Variants in SRGAP1 observed in about 807,000 individuals in gnomAD.
SRGAP1 encodes SLIT-ROBO Rho GTPase-activating protein 1.
Under a neutral mutation model 121.9 loss-of-function variants are expected in SRGAP1, and 43 were observed. The observed-to-expected ratio is 0.35, with a 90% CI of 0.28 to 0.46. The LOEUF (loss-of-function observed/expected upper bound fraction) is 0.46, where lower values mean the gene tolerates loss of function less well. SRGAP1 is among the 20% of genes least tolerant of loss of function. The pLI, the probability that SRGAP1 is intolerant of heterozygous loss-of-function variation, is 1.00. For missense variants in SRGAP1, 1,102 were observed against 1,350.9 expected, an observed-to-expected ratio of 0.82 and a Z score of 2.89; for synonymous variants, 447 against 485.4, an observed-to-expected ratio of 0.92 and a Z score of 1.04.
At position 64,122,866 on chromosome 12, in the gene SRGAP1, C is replaced by T. The variant is rs550946185; in HGVS notation, c.2225-3111C>T. On this transcript the variant is annotated intron_variant, in intron 18 of 21. Transcript: ENST00000355086. ...TGAGCCAAGATCACGCCACTGCACT[C>T]CAGCCTGGGAACAGAACAAGAGTCT... 1.4e-3 allele frequency among the ~76,000 whole-genome samples: 219 copies of T among 152,156 alleles called. 1 individual carries two copies. Among genetic ancestry groups the T allele is most frequent in the African/African-American group, 5.2e-3 (215 of 41,492 alleles).
intron 18 of SRGAP1, among the ~76,000 whole-genome samples, chr12:64,118,109 A>C (rs1223419683): frequency 6.6e-6 from 1 of 152,194 alleles, no homozygotes; most frequent in Non-Finnish European, 1.5e-5. Flanking sequence ...ATAAATACCC[A>C]GAAGTAGGAT....
chr12:63,860,868 C>T (rs180867464), intron 1 of SRGAP1, among the ~76,000 whole-genome samples: 53 of 151,250 alleles, frequency 3.5e-4, no homozygotes, highest in Non-Finnish European at 6.5e-4. Context: ...CTTTGTTGCC[C>T]AGACTGGAGT....
chr12:63,981,112 T>C (rs979093668), intron 1 of SRGAP1, among the ~76,000 whole-genome samples: 6 of 152,258 alleles, frequency 3.9e-5, no homozygotes, highest in African/African-American at 1.4e-4. Context: ...CTTATTTTGA[T>C]TGGAAAATTA....
chr12:64,001,264 G>A (rs540299639), intron 3 of SRGAP1, among the ~76,000 whole-genome samples: 1 of 152,212 alleles, frequency 6.6e-6, no homozygotes, highest in Non-Finnish European at 1.5e-5. Flanking sequence ...CAACCAAGTT[G>A]TTATTCATTT....
chr12:63,975,154 T>C (rs952618244), intron 1 of SRGAP1, among the ~76,000 whole-genome samples: 2 of 152,210 alleles, frequency 1.3e-5, no homozygotes, highest in African/African-American at 4.8e-5. Context: ...AAGGGAAACA[T>C]GGTAGTTATT....
chr12:64,016,376 A>G (rs1036508437), intron 3 of SRGAP1, among the ~76,000 whole-genome samples: 1 of 152,142 alleles, frequency 6.6e-6, no homozygotes, highest in African/African-American at 2.4e-5. Flanking sequence ...AGTCTCAGCT[A>G]TTCGGGAGGC....
In SRGAP1 at chr12:64,128,204, C is replaced by T. The variant is rs747202024; in HGVS notation, c.2880+4C>T. On this transcript the variant is annotated splice_donor_region_variant and intron_variant, in intron 21 of 21. Coordinates refer to ENST00000355086, the MANE Select transcript of SRGAP1 (RefSeq NM_020762.4). ...GGACCCAGAGACAATTGCTCAGGTA[C>T]GATGCTTTTAATTACATATTGCATT... 28 of 1,597,144 alleles carry T rather than the reference C, an allele frequency of 1.8e-5. No homozygotes were observed. The highest frequency in any genetic ancestry group is 6.7e-5 in the South Asian group (6 of 90,182).
At chr12:63,986,207 C>A (rs111433975) in intron 2 of SRGAP1, among the ~76,000 whole-genome samples, 6 of 151,024 alleles carry the variant, frequency 4.0e-5, no homozygotes, top group Non-Finnish European at 8.8e-5. Flanking sequence ...CTCTCTCCCC[C>A]CCGACACACA....
chr12:64,060,219 T>C (rs1019966707), intron 6 of SRGAP1, among the ~76,000 whole-genome samples: 14 of 149,568 alleles, frequency 9.4e-5, no homozygotes, highest in Admixed American at 2.0e-4. Flanking sequence ...TTTTTTTTTT[T>C]CCTTTGAGAC....
At chr12:63,921,025 C>G (rs1266651041) in intron 1 of SRGAP1, among the ~76,000 whole-genome samples, 2 of 152,114 alleles carry the variant, frequency 1.3e-5, no homozygotes, top group Non-Finnish European at 2.9e-5. Flanking sequence ...TTGTCCCACC[C>G]TTGAACTTCT....
chr12:64,010,828 G>C (rs2034231846), intron 3 of SRGAP1, among the ~76,000 whole-genome samples: 2 of 151,730 alleles, frequency 1.3e-5, no homozygotes, highest in African/African-American at 4.9e-5. Flanking sequence ...CTTGTACACA[G>C]ACTGTAACAA....
At position 63,935,427 on chromosome 12, in the gene SRGAP1, T is replaced by G. The variant is rs190233876; in HGVS notation, c.68-48520T>G. On this transcript the variant is annotated intron_variant, in intron 1 of 21. Coordinates refer to ENST00000355086, the MANE Select transcript of SRGAP1 (RefSeq NM_020762.4). ...ACTTGGTTGTATAGAAACACTGATT[T>G]ACACAAAAGTTTTGGTGAATTTATC... is the stretch of plus-strand genomic sequence containing the variant. 5.4e-4 allele frequency among the ~76,000 whole-genome samples: 83 copies of G among 152,332 alleles called. No homozygotes were observed. In the East Asian group the frequency reaches 0.011, roughly 19 times the overall value.
chr12:64,132,886 G>T (rs1565695386), intron 21 of SRGAP1, among the ~76,000 whole-genome samples: 1 of 152,244 alleles, frequency 6.6e-6, no homozygotes, highest in Admixed American at 6.5e-5. Flanking sequence ...CCAGCTGAAA[G>T]CAAATTACTT....
intron 1 of SRGAP1, among the ~76,000 whole-genome samples, chr12:63,901,205 A>G (rs1565942703): frequency 6.6e-6 from 1 of 152,182 alleles, no homozygotes; most frequent in Non-Finnish European, 1.5e-5. Flanking sequence ...AGTATTCCTA[A>G]TATGGTTTGT....
At chr12:63,975,137 C>G (rs2136396813) in intron 1 of SRGAP1, among the ~76,000 whole-genome samples, 1 of 152,310 alleles carries the variant, frequency 6.6e-6, no homozygotes, top group East Asian at 1.9e-4. Flanking sequence ...GCTTCCATCA[C>G]CTTTGGAAGG....
chr12:63,889,934 T>G (rs1024783833), intron 1 of SRGAP1, among the ~76,000 whole-genome samples: 2 of 152,016 alleles, frequency 1.3e-5, no homozygotes, highest in Non-Finnish European at 2.9e-5. Flanking sequence ...AAAAAGAATT[T>G]CTGATGGTTA....
chr12:63,876,717 T>C (rs572051231), intron 1 of SRGAP1, among the ~76,000 whole-genome samples: 67 of 152,362 alleles, frequency 4.4e-4, no homozygotes, highest in Middle Eastern at 3.4e-3. Flanking sequence ...GTGATTTAGA[T>C]AATTTATTGT....
intron 1 of SRGAP1, among the ~76,000 whole-genome samples, chr12:63,869,994 A>G (rs138749710): frequency 4.2e-4 from 64 of 152,336 alleles, no homozygotes; most frequent in African/African-American, 1.4e-3. Context: ...TGGAGCCACC[A>G]GGGTCCAAAC....
chr12:64,110,786 A>G (rs1419859352), intron 16 of SRGAP1, among the ~76,000 whole-genome samples: 2 of 152,212 alleles, frequency 1.3e-5, no homozygotes, highest in Non-Finnish European at 2.9e-5. Context: ...TATGTTAGCT[A>G]TGGAAATTAT....
Sources: allele counts gnomAD v4.1 joint callset (sites outside exome capture counted in the v4.1 genomes callset), GRCh38; gene constraint gnomAD v4.1.1; transcripts MANE v1.5; gene names NCBI Gene and HGNC (gene_info 2026-07-23, HGNC 2026-07-21).